PECAM1: variants seen among roughly 807,000 people sequenced by gnomAD.
The protein encoded by PECAM1 is platelet endothelial cell adhesion molecule.
A neutral mutation model predicts 13.8 loss-of-function variants in PECAM1; 8 were observed. That is an observed-to-expected ratio of 0.58 (90% CI 0.34 to 1.05). The LOEUF is 1.05. Among genes scored for constraint, PECAM1 ranks in the 50% least tolerant of loss-of-function variants. The pLI is 0.03. For missense variants in PECAM1, 304 were observed against 141.2 expected, an observed-to-expected ratio of 2.15 and a Z score of -5.84; for synonymous variants, 136 against 52.6, an observed-to-expected ratio of 2.58 and a Z score of -6.86.
In PECAM1 at chr17:64,335,602, G is replaced by T. The variant is rs2035256046; in HGVS notation, c.2165-5880C>A. On this transcript the variant is annotated intron_variant, in intron 14 of 15. Transcript: ENST00000563924. Reference sequence around the variant, plus strand: ...GAGCATGGCTTCAGCCAGGCCCCCTGGGTTCAGTCCTTGCTCTGCCACTGG... The same window carrying T: ...GAGCATGGCTTCAGCCAGGCCCCCTTGGTTCAGTCCTTGCTCTGCCACTGG... Among the ~76,000 whole-genome samples, 6 of 152,336 alleles carry T rather than the reference G, an allele frequency of 3.9e-5. No individual in the cohort carries two copies. The South Asian group carries it at 1.0e-3, about 26-fold the overall frequency.
intron 2 of PECAM1, among the ~76,000 whole-genome samples, chr17:64,386,556 G>T (rs2036598338): frequency 6.6e-6 from 1 of 152,046 alleles, no homozygotes; most frequent in Non-Finnish European, 1.5e-5. Context: ...TGTTTGATTG[G>T]ATATGGGGTT....
chr17:64,344,042 A>T (rs1217154180), intron 13 of PECAM1, among the ~76,000 whole-genome samples: 5 of 152,192 alleles, frequency 3.3e-5, no homozygotes, highest in African/African-American at 9.6e-5. Context: ...CAAACAACGC[A>T]GACACTGCAA....
At chr17:64,346,493 G>A (rs994475670) in intron 13 of PECAM1, among the ~76,000 whole-genome samples, 1 of 151,928 alleles carries the variant, frequency 6.6e-6, no homozygotes, top group African/African-American at 2.4e-5. Flanking sequence ...GCGCCACCAC[G>A]CCCAGCTAAT....
intron 2 of PECAM1, 127 bp downstream of exon 2, chr17:64,390,362 T>C (rs977945256): frequency 2.9e-5 from 12 of 411,996 alleles, no homozygotes; most frequent in Admixed American, 8.8e-5. Flanking sequence ...TAGTTCTCAA[T>C]TGGATTCTTT....
chr17:64,354,801 T>A, intron 9 of PECAM1, 132 bp downstream of exon 9: 1 of 413,594 alleles, frequency 2.4e-6, no homozygotes, highest in Non-Finnish European at 4.4e-6. Context: ...CTTTTCTGGT[T>A]TGCCCAATGA....
intron 5 of PECAM1, among the ~76,000 whole-genome samples, chr17:64,366,965 A>AC (rs1168649550): frequency 6.6e-6 from 1 of 151,074 alleles, no homozygotes; most frequent in African/African-American, 2.4e-5. Flanking sequence ...CCTAAAACTT[A>AC]AAGTATAATA....
intron 2 of PECAM1, among the ~76,000 whole-genome samples, chr17:64,385,847 G>A (rs916056299): frequency 9.8e-5 from 15 of 152,334 alleles, no homozygotes; most frequent in Non-Finnish European, 1.0e-4. Context: ...AGAAATCCGT[G>A]CCTTCTGGGC....
At position 64,350,438 on chromosome 17, in the gene PECAM1, T is replaced by A; in HGVS notation, c.1991-5A>T. 2.3e-6 allele frequency: 1 copy of A among 429,992 alleles called. No individual in the cohort carries two copies. Among genetic ancestry groups the A allele is most frequent in the Non-Finnish European group, 4.3e-6 (1 of 234,166 alleles). The allele number at this position is 429,992 out of a possible 1,614,324, so 26.6% of individuals were successfully genotyped here. On this transcript the variant is annotated splice_polypyrimidine_tract_variant and splice_region_variant and intron_variant, in intron 11 of 15. Coordinates refer to ENST00000563924, the MANE Select transcript of PECAM1 (RefSeq NM_000442.5). ...TTCTGACATCGTCATTGTGACCTAG[T>A]TGAAAAATAACAATTAGGGTGAGTG...
At chr17:64,344,981 T>C (rs2035527425) in intron 13 of PECAM1, among the ~76,000 whole-genome samples, 3 of 152,350 alleles carry the variant, frequency 2.0e-5, no homozygotes, top group Admixed American at 2.0e-4. Flanking sequence ...TGACCGCCTC[T>C]GCTTCACCCA....
intron 4 of PECAM1, among the ~76,000 whole-genome samples, chr17:64,373,776 C>A (rs2036295146): frequency 6.6e-6 from 1 of 152,006 alleles, no homozygotes; most frequent in African/African-American, 2.4e-5. Flanking sequence ...AAGTGGGATG[C>A]CAAAAGAAGG....
Position 64,390,495 on chromosome 17 carries a change from C to T in PECAM1, c.85G>A (p.Glu29Lys). 1 of 474,146 alleles carries T rather than the reference C, an allele frequency of 2.1e-6. No homozygotes were observed. The highest frequency in any genetic ancestry group is 3.9e-6 in the Non-Finnish European group (1 of 258,466). 29.4% of individuals were successfully genotyped at this position (474,146 alleles called of 1,614,324 possible). ...GTGGAAACATCAGACTTACAGTTTT[C>T]TTGACCCTCAAGGCTTGAACCTGCA... is the stretch of plus-strand genomic sequence containing the variant. ...LLLCSSLEGQENSFTINSVDM... is the reference protein window; with the variant it reads ...LLLCSSLEGQKNSFTINSVDM... The change falls in exon 2 of 16, where the codon GAA becomes AAA. Residue 29 changes from glutamate to lysine, a missense_variant. Glu to Lys is a moderately conservative substitution (Grantham distance 56). Transcript: ENST00000563924.
chr17:64,364,506 G>T (rs2036056671), intron 5 of PECAM1, among the ~76,000 whole-genome samples: 1 of 152,142 alleles, frequency 6.6e-6, no homozygotes, highest in Non-Finnish European at 1.5e-5. Flanking sequence ...AAGCCGGGCA[G>T]AGATACAACC....
chr17:64,379,932 G>T (rs1007413008), intron 2 of PECAM1, among the ~76,000 whole-genome samples: 1 of 151,890 alleles, frequency 6.6e-6, no homozygotes, highest in Non-Finnish European at 1.5e-5. Flanking sequence ...GGCTGAGGTG[G>T]GAGGATCACC....
chr17:64,333,211 G>A lies in PECAM1; in HGVS notation c.2165-3489C>T, dbSNP rs9891246. 9.9e-3 allele frequency among the ~76,000 whole-genome samples: 1,510 copies of A among 152,278 alleles called. 20 individuals are homozygous for A. The highest frequency in any genetic ancestry group is 0.034 in the African/African-American group (1,401 of 41,544). On this transcript the variant is annotated intron_variant, in intron 14 of 15. Coordinates refer to ENST00000563924, the MANE Select transcript of PECAM1 (RefSeq NM_000442.5). Reference sequence around the variant, plus strand: ...ATGGACCATTGAGTGAGTAGATTCCGTGATGGGGAGGTGGGCCTCTGGCTC... The same window carrying A: ...ATGGACCATTGAGTGAGTAGATTCCATGATGGGGAGGTGGGCCTCTGGCTC...
At chr17:64,341,259 A>G (rs11871707) in intron 14 of PECAM1, among the ~76,000 whole-genome samples, 73,121 of 149,922 alleles carry the variant, frequency 0.49, 18,184 homozygotes, top group Non-Finnish European at 0.52. Context: ...GCGAGACTCC[A>G]TATCCAAAAA....
chr17:64,331,375 G>A (rs1488172931), intron 14 of PECAM1, among the ~76,000 whole-genome samples: 1 of 152,164 alleles, frequency 6.6e-6, no homozygotes, highest in Non-Finnish European at 1.5e-5. Flanking sequence ...TAGTAGAGAT[G>A]GGGTTTCGCC....
At chr17:64,378,647 A>G in intron 2 of PECAM1, among the ~76,000 whole-genome samples, 1 of 123,934 alleles carries the variant, frequency 8.1e-6, no homozygotes, top group East Asian at 2.1e-4. Context: ...CTCAAAAGAC[A>G]AAAAAAAAAA....
chr17:64,331,660 T>C (rs537037353), intron 14 of PECAM1, among the ~76,000 whole-genome samples: 1 of 152,376 alleles, frequency 6.6e-6, no homozygotes, highest in East Asian at 1.9e-4. Context: ...TCATTAGAGA[T>C]GGTGTTTCCT....
chr17:64,345,720 A>T (rs1185546074), intron 13 of PECAM1, among the ~76,000 whole-genome samples: 63 of 151,638 alleles, frequency 4.2e-4, no homozygotes, highest in Non-Finnish European at 7.4e-4. Context: ...ATAAAAAAAA[A>T]AAAAAAAAAA....
Sources: allele counts gnomAD v4.1 joint callset (sites outside exome capture counted in the v4.1 genomes callset), GRCh38; gene constraint gnomAD v4.1.1; transcripts MANE v1.5; gene names NCBI Gene and HGNC (gene_info 2026-07-23, HGNC 2026-07-21).